TLN2: variants seen among roughly 807,000 people sequenced by gnomAD.
The protein encoded by TLN2 is talin-2.
Under a neutral mutation model 294.7 loss-of-function variants are expected in TLN2, and 118 were observed. That is an observed-to-expected ratio of 0.40 (90% CI 0.34 to 0.47). The LOEUF (loss-of-function observed/expected upper bound fraction) is 0.47, where lower values mean the gene tolerates loss of function less well. Ranked by LOEUF, TLN2 falls within the 20% of genes least tolerant of loss-of-function variation. The pLI, the probability that TLN2 is intolerant of heterozygous loss-of-function variation, is 0.84. For missense variants in TLN2, 3,083 were observed against 3,282.2 expected (o/e 0.94, Z 1.48); for synonymous variants, 1,431 against 1,304.5 (o/e 1.10, Z -2.09).
chr15:62,828,515 G>C (rs1407964165), intron 54 of TLN2: 4 of 152,184 alleles, frequency 2.6e-5, no homozygotes, highest in Admixed American at 2.6e-4. Context: ...AGTGCCTCTT[G>C]GTAAAATGCC....
rs2062069847 is a variant in TLN2 at position 62,753,782 on chromosome 15, T to C, written c.4342T>C (p.Leu1448=). The change falls in exon 36 of 59, where the codon TTG becomes CTG. Residue 1448 remains leucine, a synonymous_variant. Transcript: ENST00000636159. ...TCTCTTCCCTTTCTAGGCTGCATAC[T>C]TGGTTGGCATCTCTGATCCAAACAG... ...LTEAAAQAAY[L]VGISDPNSQA... 5.6e-6 allele frequency: 9 copies of C among 1,608,460 alleles called. No homozygotes were observed. In the South Asian group the frequency reaches 1.0e-4, roughly 18 times the overall value.
chr15:62,778,911 A>G (rs1426280814), intron 43 of TLN2, among the ~76,000 whole-genome samples: 3 of 152,238 alleles, frequency 2.0e-5, no homozygotes, highest in Non-Finnish European at 2.9e-5. Flanking sequence ...TTTGCTCAGC[A>G]TGTTGCTGGG....
intron 37 of TLN2, among the ~76,000 whole-genome samples, chr15:62,759,771 C>T (rs1393503741): frequency 6.6e-6 from 1 of 152,208 alleles, no homozygotes; most frequent in African/African-American, 2.4e-5. Context: ...ACTGGTGGGG[C>T]TGGGACCTGA....
intron 52 of TLN2, among the ~76,000 whole-genome samples, chr15:62,817,133 A>T (rs931064639): frequency 2.0e-5 from 3 of 152,204 alleles, no homozygotes; most frequent in Non-Finnish European, 4.4e-5. Context: ...AGGTACATTG[A>T]TATTGACTGC....
intron 21 of TLN2, among the ~76,000 whole-genome samples, chr15:62,709,227 G>A (rs955126162): frequency 4.6e-5 from 7 of 152,218 alleles, no homozygotes; most frequent in African/African-American, 7.2e-5. Flanking sequence ...TCAGGAGGGA[G>A]AAGACAGAGG....
intron 1 of TLN2, among the ~76,000 whole-genome samples, chr15:62,399,414 A>G (rs2032849535): frequency 6.6e-6 from 1 of 152,156 alleles, no homozygotes; most frequent in South Asian, 2.1e-4. Flanking sequence ...CCATTGGGGC[A>G]CTGCCTAATG....
In TLN2 at chr15:62,647,522, C is replaced by T. The variant is rs2052025414; in HGVS notation, c.136+76C>T. 2.5e-6 allele frequency: 4 copies of T among 1,595,872 alleles called. No homozygotes were observed. In the East Asian group the frequency reaches 8.9e-5, roughly 36 times the overall value. ...CACTTTTTTGCTAAAGAGACAGAGG[C>T]TCCAAGTGGTACACAAGCCTATTAG... On this transcript the variant is annotated intron_variant, in intron 4 of 58. Transcript: ENST00000636159.
At position 62,673,890 on chromosome 15, in the gene TLN2, G is replaced by C; in HGVS notation, c.852G>C (p.Gln284His). The C allele has an allele frequency of 6.2e-7, 1 of 1,612,522 alleles. No individual in the cohort carries two copies. The highest frequency in any genetic ancestry group is 8.5e-7 in the Non-Finnish European group (1 of 1,178,970). ...KQRGAEKRIF[Q>H]EHKNCGEMSE... The stretch of plus-strand genomic sequence containing the variant: ...GAGGAGCTGAAAAGAGGATCTTTCA[G>C]GTATTGGAAATGTACAGAACTTTAT... The change falls in exon 10 of 59, where the codon CAG (glutamine) becomes CAC (histidine). Residue 284 changes from glutamine to histidine, a missense_variant and splice_region_variant. Coordinates refer to ENST00000636159, the MANE Select transcript of TLN2 (RefSeq NM_015059.3).
intron 1 of TLN2, among the ~76,000 whole-genome samples, chr15:62,491,970 GAGT>G (rs1198820105): frequency 6.6e-6 from 1 of 152,088 alleles, no homozygotes; most frequent in African/African-American, 2.4e-5. Flanking sequence ...AGGGAGCAGG[GAGT>G]ATTAGTGGGG....
At chr15:62,510,232 C>G (rs2039858359) in intron 1 of TLN2, among the ~76,000 whole-genome samples, 1 of 152,276 alleles carries the variant, frequency 6.6e-6, no homozygotes, top group East Asian at 1.9e-4. Context: ...TGGGCACCCA[C>G]CAGAGCATGC....
At chr15:62,740,872 G>T in intron 32 of TLN2, 103 bp downstream of exon 32, 2 of 1,494,132 alleles carry the variant, frequency 1.3e-6, no homozygotes, top group Admixed American at 3.6e-5. Context: ...AAAAGAATTG[G>T]TGCTGTCCTT....
At chr15:62,422,758 TG>T (rs1388822757) in intron 1 of TLN2, among the ~76,000 whole-genome samples, 1 of 152,208 alleles carries the variant, frequency 6.6e-6, no homozygotes, top group Non-Finnish European at 1.5e-5. Flanking sequence ...CTCCTATGTG[TG>T]GTTTCTGGAT....
rs565065632 is a variant in TLN2 at position 62,557,426 on chromosome 15, G to C, written c.-237-32261G>C. ...GAATGACACACAAGATGTGTGATGT[G>C]ATAGTGCAGGACTCTGGCACTTTTA... On this transcript the variant is annotated intron_variant, in intron 1 of 58. Coordinates refer to ENST00000636159, the MANE Select transcript of TLN2 (RefSeq NM_015059.3). 7.2e-5 allele frequency among the ~76,000 whole-genome samples: 11 copies of C among 152,364 alleles called. No homozygotes were observed. The East Asian group carries it at 2.1e-3, about 29-fold the overall frequency.
intron 40 of TLN2, among the ~76,000 whole-genome samples, chr15:62,764,738 G>A (rs773097759): frequency 3.3e-5 from 5 of 151,914 alleles, no homozygotes; most frequent in African/African-American, 4.8e-5. Context: ...AGGCTGAGGC[G>A]GATGGATCAC....
intron 42 of TLN2, among the ~76,000 whole-genome samples, chr15:62,772,525 G>A (rs2063410252): frequency 6.6e-6 from 1 of 152,106 alleles, no homozygotes; most frequent in Non-Finnish European, 1.5e-5. Context: ...CCCCAAACTG[G>A]AGGAGGCAGA....
intron 19 of TLN2, among the ~76,000 whole-genome samples, chr15:62,703,943 G>C (rs748498064): frequency 5.9e-5 from 9 of 152,170 alleles, no homozygotes; most frequent in Admixed American, 2.0e-4. Flanking sequence ...AGCTGCTTAC[G>C]TGCTGGTGGG....
intron 1 of TLN2, among the ~76,000 whole-genome samples, chr15:62,544,426 C>G (rs2041874387): frequency 6.6e-6 from 1 of 152,190 alleles, no homozygotes; most frequent in Non-Finnish European, 1.5e-5. Context: ...GTGGTGATTA[C>G]TGGAAAAGGA....
At chr15:62,757,514 G>A (rs906244946) in intron 37 of TLN2, among the ~76,000 whole-genome samples, 9 of 152,248 alleles carry the variant, frequency 5.9e-5, no homozygotes, top group Non-Finnish European at 1.0e-4. Context: ...TTATTCTGTC[G>A]AAATTTCTGG....
At chr15:62,582,193 CAT>C (rs2045114833) in intron 1 of TLN2, among the ~76,000 whole-genome samples, 3 of 133,756 alleles carry the variant, frequency 2.2e-5, no homozygotes, top group Non-Finnish European at 4.7e-5. Context: ...CATGTGTATG[CAT>C]ACACACACAC....
Sources: allele counts gnomAD v4.1 joint callset (sites outside exome capture counted in the v4.1 genomes callset), GRCh38; gene constraint gnomAD v4.1.1; transcripts MANE v1.5; gene names NCBI Gene and HGNC (gene_info 2026-07-23, HGNC 2026-07-21).